Variants in SCHIP1 observed in about 807,000 individuals in gnomAD.
SCHIP1 encodes schwannomin-interacting protein 1.
A neutral mutation model predicts 29.7 loss-of-function variants in SCHIP1; 8 were observed. The ratio of observed to expected loss-of-function variants is 0.27; its 90% confidence interval spans 0.16 to 0.49. SCHIP1 has a LOEUF of 0.49. Ranked by LOEUF, SCHIP1 falls within the 20% of genes least tolerant of loss-of-function variation. The probability of loss-of-function intolerance (pLI) is 0.99; values close to 1 mark genes in which losing one functional copy is unlikely to be tolerated. For missense variants in SCHIP1, 193 were observed against 294.6 expected (o/e 0.66, Z 2.52); for synonymous variants, 76 against 94.9 (o/e 0.80, Z 1.16).
At chr3:159,889,967 G>A (rs1319668591) in intron 5 of SCHIP1, among the ~76,000 whole-genome samples, 3 of 151,952 alleles carry the variant, frequency 2.0e-5, no homozygotes, top group African/African-American at 7.3e-5. Flanking sequence ...ATGGTGGTGG[G>A]CACCTGTAGT....
chr3:159,396,717 A>C, the SCHIP1 span, among the ~76,000 whole-genome samples: 1 of 152,006 alleles, frequency 6.6e-6, no homozygotes, highest in Non-Finnish European at 1.5e-5. Context: ...CTTCCCTTTG[A>C]GGGTAACCCG....
chr3:159,398,652 C>T, the SCHIP1 span, among the ~76,000 whole-genome samples: 4 of 151,880 alleles, frequency 2.6e-5, no homozygotes, highest in African/African-American at 9.7e-5. Flanking sequence ...AGTGAAAGGA[C>T]TTGAGAGGTA....
At chr3:159,693,448 G>A in the SCHIP1 span, among the ~76,000 whole-genome samples, 1 of 152,190 alleles carries the variant, frequency 6.6e-6, no homozygotes, top group African/African-American at 2.4e-5. Flanking sequence ...TGTAGACCAA[G>A]TAGATAAAGT....
the SCHIP1 span, chr3:159,808,466 A>G: frequency 6.6e-6 from 1 of 152,266 alleles, no homozygotes; most frequent in African/African-American, 2.4e-5. Flanking sequence ...TCCCAGAAAG[A>G]TCCTTAAAGT....
At chr3:159,750,722 T>A in the SCHIP1 span, among the ~76,000 whole-genome samples, 2 of 152,106 alleles carry the variant, frequency 1.3e-5, no homozygotes. Flanking sequence ...CTTGAAACAC[T>A]ACCAGCATTA....
the SCHIP1 span, among the ~76,000 whole-genome samples, chr3:159,296,261 G>A: frequency 6.6e-6 from 1 of 151,836 alleles, no homozygotes; most frequent in Non-Finnish European, 1.5e-5. Flanking sequence ...AATTTGCTCT[G>A]AATTTCCCAA....
At chr3:159,322,997 A>G in the SCHIP1 span, among the ~76,000 whole-genome samples, 3 of 152,194 alleles carry the variant, frequency 2.0e-5, no homozygotes, top group Non-Finnish European at 4.4e-5. Context: ...CACAGCTCCA[A>G]CTGTAACTAC....
intron 1 of SCHIP1, among the ~76,000 whole-genome samples, chr3:159,845,048 T>C (rs942554004): frequency 6.6e-6 from 1 of 152,254 alleles, no homozygotes; most frequent in Non-Finnish European, 1.5e-5. Context: ...TTCAGACTCC[T>C]CTGCATGGCC....
At chr3:159,520,975 G>A in the SCHIP1 span, among the ~76,000 whole-genome samples, 11 of 152,280 alleles carry the variant, frequency 7.2e-5, no homozygotes, top group South Asian at 2.1e-4. Context: ...GTGATGTAAC[G>A]TCTGTAATTT....
At chr3:159,550,339 G>A in the SCHIP1 span, among the ~76,000 whole-genome samples, 13 of 151,772 alleles carry the variant, frequency 8.6e-5, no homozygotes, top group South Asian at 1.0e-3. Context: ...ATCACACTAC[G>A]CTTATAAAAA....
the SCHIP1 span, among the ~76,000 whole-genome samples, chr3:159,456,282 A>G: frequency 2.6e-5 from 4 of 151,980 alleles, no homozygotes; most frequent in African/African-American, 9.7e-5. Context: ...ATAAAGAATA[A>G]AAGCATTTCT....
At chr3:159,876,590 T>C (rs1230383462) in intron 2 of SCHIP1, among the ~76,000 whole-genome samples, 1 of 152,206 alleles carries the variant, frequency 6.6e-6, no homozygotes, top group Non-Finnish European at 1.5e-5. Flanking sequence ...GTAAGACAAA[T>C]AGTTATTTTA....
chr3:159,744,877 C>T, the SCHIP1 span, among the ~76,000 whole-genome samples: 10 of 152,094 alleles, frequency 6.6e-5, no homozygotes, highest in South Asian at 2.1e-4. Context: ...CCCAGCTACT[C>T]GGGAGGCTGA....
At chr3:159,396,759 T>C in the SCHIP1 span, among the ~76,000 whole-genome samples, 2 of 151,766 alleles carry the variant, frequency 1.3e-5, no homozygotes, top group Non-Finnish European at 3.0e-5. Context: ...TAACATTTTT[T>C]CCTTCATTTC....
At chr3:159,536,418 A>C in the SCHIP1 span, among the ~76,000 whole-genome samples, 1 of 152,202 alleles carries the variant, frequency 6.6e-6, no homozygotes, top group Non-Finnish European at 1.5e-5. Flanking sequence ...TTAGCCAGTC[A>C]GCTTTTGAAA....
At chr3:159,794,395 A>T in the SCHIP1 span, among the ~76,000 whole-genome samples, 1 of 152,176 alleles carries the variant, frequency 6.6e-6, no homozygotes, top group Non-Finnish European at 1.5e-5. Context: ...ATTGCATAAC[A>T]GTTGGGTCTC....
chr3:159,331,504 A>C, the SCHIP1 span, among the ~76,000 whole-genome samples: 1 of 152,090 alleles, frequency 6.6e-6, no homozygotes, highest in African/African-American at 2.4e-5. Context: ...GTGTACACAG[A>C]TTCATCAAGC....
At chr3:159,474,763 C>T in the SCHIP1 span, among the ~76,000 whole-genome samples, 1 of 152,088 alleles carries the variant, frequency 6.6e-6, no homozygotes, top group Non-Finnish European at 1.5e-5. Context: ...AAAACACATT[C>T]CCTGGTCAAA....
chr3:159,562,137 C>T, the SCHIP1 span, among the ~76,000 whole-genome samples: 2 of 152,168 alleles, frequency 1.3e-5, no homozygotes, highest in African/African-American at 4.8e-5. Flanking sequence ...GCCCTTTGAA[C>T]CAACCCTAAA....
Sources: allele counts gnomAD v4.1 joint callset (sites outside exome capture counted in the v4.1 genomes callset), GRCh38; gene constraint gnomAD v4.1.1; transcripts MANE v1.5; gene names NCBI Gene and HGNC (gene_info 2026-07-23, HGNC 2026-07-21).